The following CYP7B1 variants were observed in gnomAD, a reference collection of about 807,000 sequenced individuals.
CYP7B1 encodes cytochrome P450 7B1.
In CYP7B1, 29 loss-of-function variants were observed where a neutral mutation model predicts 42.7. The observed-to-expected ratio is 0.68, with a 90% CI of 0.51 to 0.93. CYP7B1 has a LOEUF of 0.93. CYP7B1 is among the 40% of genes least tolerant of loss of function. The pLI, the probability that CYP7B1 is intolerant of heterozygous loss-of-function variation, is 0.00. For synonymous variants in CYP7B1, 235 were observed against 218.2 expected, an observed-to-expected ratio of 1.08 and a Z score of -0.68; for missense variants, 655 against 600.5, an observed-to-expected ratio of 1.09 and a Z score of -0.95.
At chr8:64,613,140 T>C (rs1227579054) in intron 4 of CYP7B1, among the ~76,000 whole-genome samples, 1 of 152,180 alleles carries the variant, frequency 6.6e-6, no homozygotes, top group Admixed American at 6.6e-5. Flanking sequence ...CTGCTGAAGG[T>C]ACTGCCTTTA....
intron 1 of CYP7B1, among the ~76,000 whole-genome samples, chr8:64,762,136 G>A (rs1374299882): frequency 1.3e-5 from 2 of 152,076 alleles, no homozygotes; most frequent in East Asian, 3.8e-4. Flanking sequence ...CCTAATTAGA[G>A]CCCAAAAACC....
At chr8:64,726,657 G>C (rs1807329434) in intron 1 of CYP7B1, among the ~76,000 whole-genome samples, 1 of 152,128 alleles carries the variant, frequency 6.6e-6, no homozygotes, top group East Asian at 1.9e-4. Context: ...AGATTAAATG[G>C]GATAATAAAT....
At position 64,639,518 on chromosome 8, in the gene CYP7B1, CAA is replaced by C. The variant is rs536902731; in HGVS notation, c.123-14981_123-14980del. ...GCACATGAAAAGATGTTCAACATCA[CAA>C]GTCTTTAGATATATGCAAATTATAA... On this transcript the variant is annotated intron_variant, in intron 1 of 5. Transcript: ENST00000310193. Among the ~76,000 whole-genome samples the C allele has an allele frequency of 9.2e-5, 14 of 152,072 alleles. No individual in the cohort carries two copies. The South Asian group carries it at 2.9e-3, about 32-fold the overall frequency.
chr8:64,746,247 A>T (rs1201115495), intron 1 of CYP7B1, among the ~76,000 whole-genome samples: 1 of 152,158 alleles, frequency 6.6e-6, no homozygotes, highest in African/African-American at 2.4e-5. Context: ...AAATAATAAT[A>T]TAGCTTAAGT....
At chr8:64,749,792 T>C (rs966352052) in intron 1 of CYP7B1, among the ~76,000 whole-genome samples, 2 of 152,126 alleles carry the variant, frequency 1.3e-5, no homozygotes, top group Non-Finnish European at 2.9e-5. Context: ...TCAACTTCCA[T>C]TGAACTATTT....
intron 1 of CYP7B1, among the ~76,000 whole-genome samples, chr8:64,684,974 T>G (rs929704624): frequency 6.6e-6 from 1 of 152,160 alleles, no homozygotes; most frequent in Non-Finnish European, 1.5e-5. Flanking sequence ...CTTCACACAC[T>G]GAATGTAAAA....
intron 1 of CYP7B1, among the ~76,000 whole-genome samples, chr8:64,673,190 C>A (rs1806393115): frequency 6.6e-6 from 1 of 152,036 alleles, no homozygotes. Flanking sequence ...TTTTCCCTCA[C>A]CTTGTTTTGA....
chr8:64,791,278 T>C (rs1200860360), intron 1 of CYP7B1, among the ~76,000 whole-genome samples: 1 of 152,184 alleles, frequency 6.6e-6, no homozygotes, highest in African/African-American at 2.4e-5. Flanking sequence ...ATTATTGATA[T>C]CAAAAGGTAT....
intron 1 of CYP7B1, among the ~76,000 whole-genome samples, chr8:64,685,999 G>A (rs1226073930): frequency 1.4e-5 from 1 of 70,108 alleles, no homozygotes; most frequent in Non-Finnish European, 2.9e-5. Flanking sequence ...CGCCCCTACT[G>A]GGAAGTGAGG....
At chr8:64,743,214 G>T (rs1324517598) in intron 1 of CYP7B1, among the ~76,000 whole-genome samples, 2 of 152,030 alleles carry the variant, frequency 1.3e-5, no homozygotes, top group Non-Finnish European at 2.9e-5. Context: ...AGGGCTCCTG[G>T]ACATTCACAA....
At chr8:64,716,142 A>T (rs1446087586) in intron 1 of CYP7B1, among the ~76,000 whole-genome samples, 1 of 152,192 alleles carries the variant, frequency 6.6e-6, no homozygotes, top group African/African-American at 2.4e-5. Flanking sequence ...ATTATTTTCT[A>T]ATCTTCTTTT....
intron 4 of CYP7B1, among the ~76,000 whole-genome samples, chr8:64,607,398 T>TAAAAAAAAAA (rs5891968): frequency 1.4e-5 from 2 of 143,960 alleles, no homozygotes; most frequent in South Asian, 2.2e-4. Context: ...GCTCTAGAAT[T>TAAAAAAAAAA]AAAAAAAAAA....
At chr8:64,705,092 G>A (rs1420097568) in intron 1 of CYP7B1, among the ~76,000 whole-genome samples, 2 of 152,072 alleles carry the variant, frequency 1.3e-5, no homozygotes, top group East Asian at 1.9e-4. Flanking sequence ...AAAGGGATAA[G>A]TCACCTCCTC....
intron 1 of CYP7B1, among the ~76,000 whole-genome samples, chr8:64,714,851 T>C (rs753325372): frequency 6.6e-6 from 1 of 152,176 alleles, no homozygotes; most frequent in Non-Finnish European, 1.5e-5. Context: ...ATATTTAATC[T>C]AATGTTGCAG....
At chr8:64,788,894 T>C (rs894451259) in intron 1 of CYP7B1, among the ~76,000 whole-genome samples, 4 of 152,146 alleles carry the variant, frequency 2.6e-5, no homozygotes, top group Non-Finnish European at 5.9e-5. Flanking sequence ...GAGGACTTAC[T>C]GTATAGGGTA....
At chr8:64,623,425 C>G (rs192609091) in intron 2 of CYP7B1, among the ~76,000 whole-genome samples, 136 of 152,308 alleles carry the variant, frequency 8.9e-4, no homozygotes, top group Non-Finnish European at 1.7e-3. Context: ...GTGATGAGAC[C>G]ATCTCGGATC....
intron 1 of CYP7B1, among the ~76,000 whole-genome samples, chr8:64,757,108 C>T (rs1807820577): frequency 6.6e-6 from 1 of 152,170 alleles, no homozygotes; most frequent in African/African-American, 2.4e-5. Flanking sequence ...CAAGAGGAAG[C>T]CCTTCTGGTT....
intron 1 of CYP7B1, among the ~76,000 whole-genome samples, chr8:64,689,347 A>G (rs899123277): frequency 1.3e-5 from 2 of 152,230 alleles, no homozygotes; most frequent in African/African-American, 2.4e-5. Context: ...TCCTACTTCA[A>G]TGGCAGGCAC....
At chr8:64,727,619 T>C (rs576047902) in intron 1 of CYP7B1, among the ~76,000 whole-genome samples, 2 of 152,264 alleles carry the variant, frequency 1.3e-5, no homozygotes, top group South Asian at 4.1e-4. Context: ...TAGGGAACAG[T>C]TGACCAAGTA....
Sources: gnomAD v4.1 joint callset for allele counts (sites outside exome capture counted in the v4.1 genomes callset) on GRCh38, gnomAD v4.1.1 for gene constraint, MANE v1.5 for transcripts, NCBI Gene and HGNC (gene_info 2026-07-23, HGNC 2026-07-21) for gene names.